ADCY1: variants seen among roughly 807,000 people sequenced by gnomAD.
ADCY1 encodes adenylate cyclase 1.
ADCY1 carries 28 observed loss-of-function variants against 105.4 expected under a neutral mutation model. That is an observed-to-expected ratio of 0.27 (90% CI 0.20 to 0.36). The LOEUF (loss-of-function observed/expected upper bound fraction) is 0.36. ADCY1 is among the 10% of genes least tolerant of loss of function. ADCY1 has a pLI of 1.00. For synonymous variants in ADCY1, 655 were observed against 623.8 expected (o/e 1.05, Z -0.75); for missense variants, 977 against 1,434.2 (o/e 0.68, Z 5.15).
chr7:45,597,060 A>C (rs1042590195), intron 2 of ADCY1, among the ~76,000 whole-genome samples: 4 of 152,206 alleles, frequency 2.6e-5, no homozygotes, highest in Non-Finnish European at 4.4e-5. Context: ...CAGGAGGCTC[A>C]GAAAACACCT....
At chr7:45,631,350 C>T (rs1794254258) in intron 4 of ADCY1, among the ~76,000 whole-genome samples, 1 of 152,198 alleles carries the variant, frequency 6.6e-6, no homozygotes, top group African/African-American at 2.4e-5. Flanking sequence ...CATTATAATG[C>T]AACCGGATTC....
intron 1 of ADCY1, among the ~76,000 whole-genome samples, chr7:45,577,769 G>A (rs901282893): frequency 7.9e-5 from 12 of 152,244 alleles, no homozygotes; most frequent in Admixed American, 5.9e-4. Flanking sequence ...GATCTCCACA[G>A]TGATCTCCTG....
chr7:45,658,964 G>A (rs1795017609), intron 6 of ADCY1, among the ~76,000 whole-genome samples: 1 of 152,238 alleles, frequency 6.6e-6, no homozygotes. Flanking sequence ...GGGGATCCAA[G>A]CACTCTGAGT....
At chr7:45,642,633 T>C (rs1202419011) in intron 4 of ADCY1, among the ~76,000 whole-genome samples, 1 of 152,174 alleles carries the variant, frequency 6.6e-6, no homozygotes, top group Non-Finnish European at 1.5e-5. Context: ...AACCCTTCCC[T>C]GGGTGGCTGT....
intron 10 of ADCY1, 34 bp downstream of exon 10, chr7:45,678,297 C>T: frequency 6.3e-7 from 1 of 1,588,764 alleles, no homozygotes; most frequent in East Asian, 2.2e-5. Flanking sequence ...GAGGAACTCA[C>T]CAAGAAGTCC....
At chr7:45,596,932 C>T (rs919270444) in intron 2 of ADCY1, among the ~76,000 whole-genome samples, 11 of 152,082 alleles carry the variant, frequency 7.2e-5, no homozygotes, top group East Asian at 1.9e-4. Context: ...GGGAGTTTGG[C>T]GGTGGTTTTC....
intron 2 of ADCY1, among the ~76,000 whole-genome samples, chr7:45,594,099 G>A (rs1393135603): frequency 1.3e-5 from 2 of 152,178 alleles, no homozygotes; most frequent in South Asian, 2.1e-4. Context: ...CTATCTGTAC[G>A]TCTGTGTGGT....
rs17172592 is a variant in ADCY1, at chr7:45,592,693, G to A, written c.640-66G>A. Reference sequence around the variant, plus strand: ...AGAGCTCTTGCTATGCTCTCCGGGCGGCCTAGGCCCTCTTTGTGTGTGTGG... The same window carrying A: ...AGAGCTCTTGCTATGCTCTCCGGGCAGCCTAGGCCCTCTTTGTGTGTGTGG... On this transcript the variant is annotated intron_variant, in intron 1 of 19. Transcript: ENST00000297323. The A allele has an allele frequency of 6.6e-3, 10,510 of 1,600,196 alleles. 518 individuals carry two copies. In the East Asian group the frequency reaches 0.13, roughly 20 times the overall value.
intron 1 of ADCY1, among the ~76,000 whole-genome samples, chr7:45,576,936 A>C (rs1792367462): frequency 1.3e-5 from 2 of 152,228 alleles, no homozygotes; most frequent in African/African-American, 4.8e-5. Context: ...TTTAAAATAA[A>C]GACATTTCCT....
At chr7:45,672,472 T>C (rs1361949655) in intron 8 of ADCY1, among the ~76,000 whole-genome samples, 2 of 152,144 alleles carry the variant, frequency 1.3e-5, no homozygotes, top group African/African-American at 4.8e-5. Context: ...TATTTAGATT[T>C]TCTTCGATTC....
At chr7:45,675,717 C>T (rs1007492440) in intron 8 of ADCY1, among the ~76,000 whole-genome samples, 2 of 151,976 alleles carry the variant, frequency 1.3e-5, no homozygotes, top group East Asian at 1.9e-4. Flanking sequence ...AGAAATGATG[C>T]TATCATTCTA....
chr7:45,605,702 G>C (rs900473166), intron 2 of ADCY1, among the ~76,000 whole-genome samples: 1 of 152,086 alleles, frequency 6.6e-6, no homozygotes, highest in Non-Finnish European at 1.5e-5. Flanking sequence ...TTGCTATCTT[G>C]TAAAAGACTT....
At chr7:45,605,251 TC>T (rs1287555823) in intron 2 of ADCY1, among the ~76,000 whole-genome samples, 2 of 152,198 alleles carry the variant, frequency 1.3e-5, no homozygotes, top group African/African-American at 4.8e-5. Flanking sequence ...TTTTGTAACA[TC>T]CATTGTATTT....
At chr7:45,639,882 G>T (rs906524689) in intron 4 of ADCY1, among the ~76,000 whole-genome samples, 1 of 152,138 alleles carries the variant, frequency 6.6e-6, no homozygotes, top group African/African-American at 2.4e-5. Flanking sequence ...GGGATATGCT[G>T]AGCCAACTGA....
Position 45,722,507 on chromosome 7 carries a change from A to G in ADCY1, c.*8512A>G, listed in dbSNP as rs1006645210. On this transcript the variant is annotated 3_prime_UTR_variant, in exon 20 of 20. Transcript: ENST00000297323. ...TATGCACCACCTCCCTTCAGTCACC[A>G]CTCCTCTTCCTCCGCCATCCTCATT... 1 of 148,798 alleles carries G rather than the reference A, an allele frequency of 6.7e-6. No homozygotes were observed. The highest frequency in any genetic ancestry group is 1.5e-5 in the Non-Finnish European group (1 of 67,192). 9.2% of individuals were successfully genotyped at this position (148,798 alleles called of 1,614,324 possible).
intron 1 of ADCY1, among the ~76,000 whole-genome samples, chr7:45,578,303 G>C (rs766959182): frequency 2.9e-4 from 44 of 152,198 alleles, no homozygotes; most frequent in Non-Finnish European, 5.7e-4. Flanking sequence ...CGGCACTGAG[G>C]GGGAGGTATC....
At chr7:45,604,629 G>A (rs1427203392) in intron 2 of ADCY1, among the ~76,000 whole-genome samples, 1 of 152,008 alleles carries the variant, frequency 6.6e-6, no homozygotes, top group Non-Finnish European at 1.5e-5. Context: ...AATTTGTTGC[G>A]CATATTTGTG....
chr7:45,595,138 G>C (rs1324040149), intron 2 of ADCY1, among the ~76,000 whole-genome samples: 2 of 152,144 alleles, frequency 1.3e-5, no homozygotes, highest in Admixed American at 6.5e-5. Context: ...TCTTTCCCAA[G>C]TTTCTGAGGT....
At position 45,714,835 on chromosome 7, in the gene ADCY1, C is replaced by G. The variant is rs532606892; in HGVS notation, c.*840C>G. On this transcript the variant is annotated 3_prime_UTR_variant, in exon 20 of 20. Transcript: ENST00000297323. ...CTGGACATTCCCCATCCTGCACCGG[C>G]ACTGTGTTTGTTCAGAGAAAACGAA... is the stretch of plus-strand genomic sequence containing the variant. 28 of 152,660 alleles carry G rather than the reference C, an allele frequency of 1.8e-4. No individual in the cohort carries two copies. Among genetic ancestry groups the G allele is most frequent in the Non-Finnish European group, 3.8e-4 (26 of 68,076 alleles). 9.5% of individuals were successfully genotyped at this position (152,660 alleles called of 1,614,324 possible). A position where few individuals can be genotyped will look rare whatever the true frequency, so the allele number is the denominator to read the frequency against.
Sources: gnomAD v4.1 joint callset for allele counts (sites outside exome capture counted in the v4.1 genomes callset) on GRCh38, gnomAD v4.1.1 for gene constraint, MANE v1.5 for transcripts, NCBI Gene and HGNC (gene_info 2026-07-23, HGNC 2026-07-21) for gene names.